Variants in CSGALNACT1 observed in about 807,000 individuals in gnomAD.
CSGALNACT1 encodes the protein beta4GalNAcT-1.
CSGALNACT1 carries 52 observed loss-of-function variants against 51.0 expected under a neutral mutation model. That is an observed-to-expected ratio of 1.02 (90% CI 0.82 to 1.29). CSGALNACT1 has a LOEUF of 1.29. Among genes scored for constraint, CSGALNACT1 ranks in the 50% most tolerant of loss-of-function variants. The pLI is 0.00. For missense variants in CSGALNACT1, 935 were observed against 679.2 expected (o/e 1.38, Z -4.19); for synonymous variants, 341 against 254.4 (o/e 1.34, Z -3.24).
chr8:19,491,659 A>G (rs2074384709), intron 4 of CSGALNACT1, among the ~76,000 whole-genome samples: 1 of 152,188 alleles, frequency 6.6e-6, no homozygotes, highest in Non-Finnish European at 1.5e-5. Context: ...TGTATCTTTC[A>G]TGATGTTTGC....
At chr8:19,736,653 T>C (rs890204413) in intron 1 of CSGALNACT1, among the ~76,000 whole-genome samples, 1 of 152,096 alleles carries the variant, frequency 6.6e-6, no homozygotes, top group African/African-American at 2.4e-5. Context: ...ACATGTTGTA[T>C]TGGACATGGT....
At chr8:19,707,386 G>A (rs374404790) in intron 1 of CSGALNACT1, among the ~76,000 whole-genome samples, 23 of 152,224 alleles carry the variant, frequency 1.5e-4, no homozygotes, top group Non-Finnish European at 2.4e-4. Context: ...CTGATACCCC[G>A]AATAGAACTG....
intron 1 of CSGALNACT1, among the ~76,000 whole-genome samples, chr8:19,637,189 G>T (rs569043728): frequency 6.6e-6 from 1 of 152,194 alleles, no homozygotes; most frequent in African/African-American, 2.4e-5. Flanking sequence ...CTGGGCGATA[G>T]AGACTCCATC....
At chr8:19,706,223 G>C (rs1004382827) in intron 1 of CSGALNACT1, among the ~76,000 whole-genome samples, 4 of 152,162 alleles carry the variant, frequency 2.6e-5, no homozygotes, top group African/African-American at 9.7e-5. Context: ...AATTCATTTA[G>C]ATTAGGGAGA....
chr8:19,437,596 G>T (rs778351477), intron 6 of CSGALNACT1, among the ~76,000 whole-genome samples: 4 of 152,112 alleles, frequency 2.6e-5, no homozygotes, highest in Non-Finnish European at 4.4e-5. Context: ...ACAGAATGAG[G>T]AGATCAACAC....
chr8:19,524,783 T>C (rs959010166), intron 3 of CSGALNACT1, among the ~76,000 whole-genome samples: 3 of 152,190 alleles, frequency 2.0e-5, no homozygotes, highest in Non-Finnish European at 2.9e-5. Context: ...AAGATGTTTA[T>C]TTCCAGCTTC....
At chr8:19,741,155 T>C (rs1230594577) in intron 1 of CSGALNACT1, among the ~76,000 whole-genome samples, 1 of 152,204 alleles carries the variant, frequency 6.6e-6, no homozygotes, top group South Asian at 2.1e-4. Context: ...GCCCATAACC[T>C]ATCTAATCTA....
At chr8:19,477,261 CAT>C (rs1243911013) in intron 4 of CSGALNACT1, among the ~76,000 whole-genome samples, 1 of 152,214 alleles carries the variant, frequency 6.6e-6, no homozygotes, top group Non-Finnish European at 1.5e-5. Context: ...TCAGGCTCCC[CAT>C]AGAGCTGGGC....
intron 1 of CSGALNACT1, among the ~76,000 whole-genome samples, chr8:19,729,433 G>A (rs1374300925): frequency 6.6e-6 from 1 of 152,186 alleles, no homozygotes; most frequent in Non-Finnish European, 1.5e-5. Context: ...AACACTTCCA[G>A]ATTGAGCCAT....
At chr8:19,492,253 T>C (rs1342833386) in intron 4 of CSGALNACT1, among the ~76,000 whole-genome samples, 4 of 152,188 alleles carry the variant, frequency 2.6e-5, no homozygotes, top group Non-Finnish European at 5.9e-5. Context: ...TCAACCAGCA[T>C]ACTGCTAGGC....
chr8:19,462,930 G>C (rs976133999), intron 4 of CSGALNACT1, among the ~76,000 whole-genome samples: 2 of 152,066 alleles, frequency 1.3e-5, no homozygotes, highest in Non-Finnish European at 2.9e-5. Context: ...AAACAGCATA[G>C]AGCATAGTAC....
intron 3 of CSGALNACT1, among the ~76,000 whole-genome samples, chr8:19,514,659 A>AC (rs2079171349): frequency 1.1e-5 from 1 of 91,114 alleles, no homozygotes. Flanking sequence ...CGTCTCTACC[A>AC]AAAAAAAAAA....
intron 4 of CSGALNACT1, among the ~76,000 whole-genome samples, chr8:19,489,507 C>G (rs1018733263): frequency 2.0e-5 from 3 of 152,152 alleles, no homozygotes; most frequent in South Asian, 4.1e-4. Flanking sequence ...TTCCTATCCC[C>G]TCTGTGATTT....
intron 5 of CSGALNACT1, among the ~76,000 whole-genome samples, chr8:19,454,268 G>A (rs913568928): frequency 1.3e-5 from 2 of 152,234 alleles, no homozygotes; most frequent in Non-Finnish European, 2.9e-5. Context: ...GGAATGGAAA[G>A]CTATTGGAAG....
intron 4 of CSGALNACT1, among the ~76,000 whole-genome samples, chr8:19,479,562 T>G (rs2070760092): frequency 6.6e-6 from 1 of 152,212 alleles, no homozygotes; most frequent in Non-Finnish European, 1.5e-5. Flanking sequence ...ATGTTTTAAC[T>G]ACAGTATTGA....
chr8:19,705,277 C>T (rs2062093600), intron 1 of CSGALNACT1, among the ~76,000 whole-genome samples: 1 of 152,112 alleles, frequency 6.6e-6, no homozygotes, highest in African/African-American at 2.4e-5. Context: ...TCAAGGGTAG[C>T]TATTTATGCA....
At chr8:19,576,922 C>G (rs147798584) in intron 3 of CSGALNACT1, among the ~76,000 whole-genome samples, 1,812 of 152,212 alleles carry the variant, frequency 0.012, 35 homozygotes, top group African/African-American at 0.041. Flanking sequence ...AGTGCAATCA[C>G]TGGCCATCCA....
intron 1 of CSGALNACT1, among the ~76,000 whole-genome samples, chr8:19,754,009 AC>A: frequency 6.6e-6 from 1 of 151,426 alleles, no homozygotes; most frequent in Non-Finnish European, 1.5e-5. Context: ...GTGATAAAAC[AC>A]TTTTTAAAGG....
intron 4 of CSGALNACT1, among the ~76,000 whole-genome samples, chr8:19,490,018 TG>T (rs1364680257): frequency 6.6e-6 from 1 of 152,220 alleles, no homozygotes; most frequent in African/African-American, 2.4e-5. Context: ...AATTACCACA[TG>T]GGCCAGCTGC....
Sources: gnomAD v4.1 joint callset for allele counts (sites outside exome capture counted in the v4.1 genomes callset) on GRCh38, gnomAD v4.1.1 for gene constraint, MANE v1.5 for transcripts, NCBI Gene and HGNC (gene_info 2026-07-23, HGNC 2026-07-21) for gene names.